The following GUCY1A2 variants were observed in gnomAD, a reference collection of about 807,000 sequenced individuals.
GUCY1A2 encodes guanylate cyclase soluble subunit alpha-2.
GUCY1A2 carries 27 observed loss-of-function variants against 63.5 expected under a neutral mutation model. The observed-to-expected ratio is 0.43, with a 90% CI of 0.31 to 0.59. GUCY1A2 has a LOEUF of 0.59. Among genes scored for constraint, GUCY1A2 ranks in the 20% least tolerant of loss-of-function variants. GUCY1A2 has a pLI of 0.11. For missense variants in GUCY1A2, 768 were observed against 913.3 expected (o/e 0.84, Z 2.05); for synonymous variants, 364 against 343.5 (o/e 1.06, Z -0.66).
chr11:106,792,576 T>TA (rs1864683741), intron 5 of GUCY1A2, among the ~76,000 whole-genome samples: 1 of 152,060 alleles, frequency 6.6e-6, no homozygotes, highest in African/African-American at 2.4e-5. Context: ...CCATTCATGT[T>TA]AAAAACTCCC....
chr11:106,866,636 T>C (rs1016501064), intron 4 of GUCY1A2, among the ~76,000 whole-genome samples: 1 of 152,026 alleles, frequency 6.6e-6, no homozygotes, highest in African/African-American at 2.4e-5. Context: ...ATAATGACAT[T>C]TCTCCCTTAG....
At chr11:106,836,996 T>G (rs527711333) in intron 4 of GUCY1A2, among the ~76,000 whole-genome samples, 1 of 152,104 alleles carries the variant, frequency 6.6e-6, no homozygotes, top group African/African-American at 2.4e-5. Context: ...CTACATTTTT[T>G]TAAACTTTTA....
chr11:106,682,175 C>A lies in GUCY1A2; in HGVS notation c.*5374G>T. On this transcript the variant is annotated 3_prime_UTR_variant, in exon 8 of 8. Coordinates refer to ENST00000526355, the MANE Select transcript of GUCY1A2 (RefSeq NM_000855.3). ...AGATTCATGCTCAGAAAGAAGACCACAAATTGGAAATCAAAGCTAAAATTA... is the reference window on the plus strand; with the variant it reads ...AGATTCATGCTCAGAAAGAAGACCAAAAATTGGAAATCAAAGCTAAAATTA... 4.8e-6 allele frequency: 1 copy of A among 210,124 alleles called. No individual in the cohort carries two copies. Among genetic ancestry groups the A allele is most frequent in the Non-Finnish European group, 9.5e-6 (1 of 104,734 alleles). The allele number at this position is 210,124 out of a possible 1,614,324, so 13.0% of individuals were successfully genotyped here.
At chr11:106,968,799 C>T (rs977560195) in intron 3 of GUCY1A2, among the ~76,000 whole-genome samples, 4 of 152,278 alleles carry the variant, frequency 2.6e-5, no homozygotes, top group Non-Finnish European at 4.4e-5. Flanking sequence ...TTTCTTCATA[C>T]TAGAAAACTT....
intron 6 of GUCY1A2, among the ~76,000 whole-genome samples, chr11:106,721,845 C>A (rs1454564519): frequency 6.6e-6 from 1 of 152,180 alleles, no homozygotes; most frequent in East Asian, 1.9e-4. Flanking sequence ...TTCAAGGCAT[C>A]CTCCTCAGCC....
chr11:106,789,541 C>T (rs1165183735), intron 5 of GUCY1A2, among the ~76,000 whole-genome samples: 1 of 152,154 alleles, frequency 6.6e-6, no homozygotes, highest in African/African-American at 2.4e-5. Context: ...GATCTTGATG[C>T]TAGTTGATGT....
At chr11:106,886,515 T>C (rs1859902623) in intron 4 of GUCY1A2, among the ~76,000 whole-genome samples, 1 of 152,184 alleles carries the variant, frequency 6.6e-6, no homozygotes, top group Non-Finnish European at 1.5e-5. Flanking sequence ...CACATATGTA[T>C]ATGATATTTG....
Position 106,680,115 on chromosome 11 carries a change from A to G in GUCY1A2, c.*7434T>C, listed in dbSNP as rs938184672. The G allele has an allele frequency of 9.3e-6, 2 of 215,328 alleles. No homozygotes were observed. Among genetic ancestry groups the G allele is most frequent in the Non-Finnish European group, 1.9e-5 (2 of 106,824 alleles). The allele number at this position is 215,328 out of a possible 1,614,324, so 13.3% of individuals were successfully genotyped here. On this transcript the variant is annotated 3_prime_UTR_variant, in exon 8 of 8. Coordinates refer to ENST00000526355, the MANE Select transcript of GUCY1A2 (RefSeq NM_000855.3). The stretch of plus-strand genomic sequence containing the variant: ...ATAAAAAACTAACTCTCTTTGCTTC[A>G]TCTCTTCTAAAGCTCCTGCCCACCT...
Position 106,708,668 on chromosome 11 carries a change from T to C in GUCY1A2, c.1837-2A>G. ...GCCTGAGTGAATTCCTATCCTCATCTAAAGAAGAATGAAAGAGGAAAAGGA... is the reference window on the plus strand; with the variant it reads ...GCCTGAGTGAATTCCTATCCTCATCCAAAGAAGAATGAAAGAGGAAAAGGA... On this transcript the variant is annotated splice_acceptor_variant, in intron 6 of 7. Transcript: ENST00000526355. LOFTEE classifies it high-confidence loss of function. The C allele has an allele frequency of 6.4e-7, 1 of 1,571,848 alleles. No individual in the cohort carries two copies. The highest frequency in any genetic ancestry group is 1.2e-5 in the South Asian group (1 of 86,626).
At chr11:106,787,366 T>C (rs896808067) in intron 5 of GUCY1A2, among the ~76,000 whole-genome samples, 1 of 149,502 alleles carries the variant, frequency 6.7e-6, no homozygotes, top group African/African-American at 2.5e-5. Context: ...ATTCAATTTT[T>C]TACATTTTAG....
At chr11:106,773,186 C>CTTTTT (rs11423947) in intron 6 of GUCY1A2, among the ~76,000 whole-genome samples, 4 of 149,826 alleles carry the variant, frequency 2.7e-5, no homozygotes, top group African/African-American at 9.8e-5. Flanking sequence ...TTAATCATTC[C>CTTTTT]TTTTATTTTT....
intron 1 of GUCY1A2, among the ~76,000 whole-genome samples, chr11:107,005,705 G>A (rs1861662366): frequency 6.6e-6 from 1 of 152,198 alleles, no homozygotes; most frequent in South Asian, 2.1e-4. Flanking sequence ...ATTAATGAAT[G>A]AATGTGAGAG....
chr11:106,862,285 A>C (rs1443235771), intron 4 of GUCY1A2, among the ~76,000 whole-genome samples: 2 of 151,738 alleles, frequency 1.3e-5, no homozygotes, highest in Admixed American at 6.6e-5. Flanking sequence ...AATGAAGATA[A>C]TACTACTACT....
chr11:107,010,530 G>T (rs774611118), intron 1 of GUCY1A2, among the ~76,000 whole-genome samples: 1 of 152,090 alleles, frequency 6.6e-6, no homozygotes, highest in African/African-American at 2.4e-5. Flanking sequence ...ACTTCCTTCC[G>T]AAGTTTTGCT....
intron 4 of GUCY1A2, among the ~76,000 whole-genome samples, chr11:106,885,310 T>C (rs1252676863): frequency 1.3e-5 from 2 of 152,186 alleles, no homozygotes; most frequent in East Asian, 1.9e-4. Flanking sequence ...GGGAAATACA[T>C]GATTGATGAG....
intron 1 of GUCY1A2, among the ~76,000 whole-genome samples, chr11:107,016,304 A>G (rs1158716982): frequency 6.6e-6 from 1 of 152,268 alleles, no homozygotes; most frequent in Non-Finnish European, 1.5e-5. Context: ...TCTTGTATCC[A>G]AGGTCAGGGT....
At position 106,683,445 on chromosome 11, in the gene GUCY1A2, A is replaced by T. The variant is rs1207769540; in HGVS notation, c.*4104T>A. On this transcript the variant is annotated 3_prime_UTR_variant, in exon 8 of 8. Coordinates refer to ENST00000526355, the MANE Select transcript of GUCY1A2 (RefSeq NM_000855.3). ...TCAGACTGTGTTTTGAAGAAAGAGCAGAGGGTGAAGCTGCAGATATAATCA... is the reference window on the plus strand; with the variant it reads ...TCAGACTGTGTTTTGAAGAAAGAGCTGAGGGTGAAGCTGCAGATATAATCA... 6 of 226,274 alleles carry T rather than the reference A, an allele frequency of 2.7e-5. No homozygotes were observed. In the Middle Eastern group the frequency reaches 3.9e-3, roughly 148 times the overall value. The allele number at this position is 226,274 out of a possible 1,614,324, so 14.0% of individuals were successfully genotyped here. A position where few individuals can be genotyped will look rare whatever the true frequency, so the allele number is the denominator to read the frequency against.
intron 6 of GUCY1A2, among the ~76,000 whole-genome samples, chr11:106,765,338 C>T (rs774978599): frequency 6.6e-6 from 1 of 152,014 alleles, no homozygotes; most frequent in Non-Finnish European, 1.5e-5. Context: ...AAGCCTAACC[C>T]AAACCTCTCG....
At chr11:106,820,147 C>T (rs1057064101) in intron 4 of GUCY1A2, among the ~76,000 whole-genome samples, 2 of 152,106 alleles carry the variant, frequency 1.3e-5, no homozygotes, top group African/African-American at 2.4e-5. Context: ...TCTTAACACA[C>T]AATTATTCCA....
Sources: gnomAD v4.1 joint callset for allele counts (sites outside exome capture counted in the v4.1 genomes callset) on GRCh38, gnomAD v4.1.1 for gene constraint, MANE v1.5 for transcripts, NCBI Gene and HGNC (gene_info 2026-07-23, HGNC 2026-07-21) for gene names.